The following PFKP variants were observed in gnomAD, a reference collection of about 807,000 sequenced individuals.
The protein encoded by PFKP is ATP-dependent 6-phosphofructokinase, platelet type.
Under a neutral mutation model 94.3 loss-of-function variants are expected in PFKP, and 101 were observed. The observed-to-expected ratio is 1.07, with a 90% CI of 0.91 to 1.26. PFKP has a LOEUF of 1.26. Among genes scored for constraint, PFKP ranks in the 50% most tolerant of loss-of-function variants. The pLI, the probability that PFKP is intolerant of heterozygous loss-of-function variation, is 0.00. For synonymous variants in PFKP, 573 were observed against 432.6 expected, an observed-to-expected ratio of 1.32 and a Z score of -4.03; for missense variants, 1,145 against 1,103.3, an observed-to-expected ratio of 1.04 and a Z score of -0.53.
intron 3 of PFKP, chr10:3,101,086 G>A: frequency 7.2e-6 from 8 of 1,118,832 alleles, no homozygotes; most frequent in Non-Finnish European, 9.5e-6. Context: ...CCGCAGGCTG[G>A]TTCCTGCTCC....
At chr10:3,069,792 C>T (rs1335404165) in intron 1 of PFKP, among the ~76,000 whole-genome samples, 1 of 152,190 alleles carries the variant, frequency 6.6e-6, no homozygotes, top group African/African-American at 2.4e-5. Flanking sequence ...CCTTTGAGCT[C>T]CATGTCCAAA....
intron 4 of PFKP, among the ~76,000 whole-genome samples, chr10:3,102,858 G>A (rs555254825): frequency 2.8e-4 from 42 of 152,226 alleles, no homozygotes; most frequent in Non-Finnish European, 3.8e-4. Context: ...AAGGCTGCCC[G>A]TTGGAAGCAG....
chr10:3,136,433 T>C lies in PFKP; in HGVS notation c.2226-17T>C. Reference sequence around the variant, plus strand: ...AGTGACTGCAGGCCTCACTGCTGTCTCCTCTTACCTCCACAGGCACAGGAT... The same window carrying C: ...AGTGACTGCAGGCCTCACTGCTGTCCCCTCTTACCTCCACAGGCACAGGAT... On this transcript the variant is annotated splice_polypyrimidine_tract_variant and intron_variant, in intron 21 of 21. Transcript: ENST00000381125. 1 of 1,613,214 alleles carries C rather than the reference T, an allele frequency of 6.2e-7. No individual in the cohort carries two copies. Among genetic ancestry groups the C allele is most frequent in the Non-Finnish European group, 8.5e-7 (1 of 1,179,462 alleles).
At chr10:3,127,733 T>G (rs1838114955) in intron 16 of PFKP, among the ~76,000 whole-genome samples, 1 of 152,162 alleles carries the variant, frequency 6.6e-6, no homozygotes, top group Non-Finnish European at 1.5e-5. Context: ...AAGATGGGAA[T>G]TCTTCCCATT....
At chr10:3,136,290 ATGG>A (rs1839324480) in intron 21 of PFKP, among the ~76,000 whole-genome samples, 157 bp from the exon 22 acceptor site, 1 of 152,128 alleles carries the variant, frequency 6.6e-6, no homozygotes, top group Non-Finnish European at 1.5e-5. Context: ...ATTTTAAACA[ATGG>A]TTTCATTTGA....
chr10:3,128,597 GTTGCGGGCC>G (rs1838207566), intron 16 of PFKP, among the ~76,000 whole-genome samples: 1 of 152,184 alleles, frequency 6.6e-6, no homozygotes, highest in Admixed American at 6.5e-5. Context: ...GGTGCCCAGA[GTTGCGGGCC>G]TTGCACGCCT....
At chr10:3,112,365 G>A (rs951718564) in intron 11 of PFKP, 79 bp downstream of exon 11, 2 of 1,062,868 alleles carry the variant, frequency 1.9e-6, no homozygotes, top group Non-Finnish European at 3.0e-6. Context: ...GTGCTTAGGG[G>A]TTGTGCTTAT....
At chr10:3,110,668 A>T (rs1836110309) in intron 10 of PFKP, among the ~76,000 whole-genome samples, 1 of 152,038 alleles carries the variant, frequency 6.6e-6, no homozygotes, top group East Asian at 1.9e-4. Context: ...AGAAAATAGT[A>T]TTTGTGTGTA....
intron 10 of PFKP, among the ~76,000 whole-genome samples, chr10:3,111,637 C>T (rs1254845255): frequency 6.6e-6 from 1 of 152,024 alleles, no homozygotes; most frequent in East Asian, 1.9e-4. Flanking sequence ...GAGTATTTTT[C>T]TCATCTTACA....
chr10:3,104,035 A>G, intron 5 of PFKP, 91 bp downstream of exon 5: 1 of 1,210,472 alleles, frequency 8.3e-7, no homozygotes, highest in Non-Finnish European at 1.2e-6. Context: ...CATTCTGCAG[A>G]TTGGGTGTCC....
intron 19 of PFKP, 22 bp downstream of exon 19, chr10:3,133,336 G>A (rs752465295): frequency 2.8e-6 from 4 of 1,444,760 alleles, no homozygotes; most frequent in Non-Finnish European, 3.9e-6. Context: ...ACTGCATGAG[G>A]GGCCACAAAG....
At chr10:3,107,135 C>T (rs1207795111) in intron 7 of PFKP, 79 bp from the exon 8 acceptor site, 2 of 881,814 alleles carry the variant, frequency 2.3e-6, no homozygotes, top group South Asian at 2.8e-5. Context: ...CAGTTTGAGA[C>T]AGACTTCTGT....
chr10:3,110,591 G>A lies in PFKP; in HGVS notation c.1089+1111G>A, dbSNP rs1349516360. 5.9e-5 allele frequency among the ~76,000 whole-genome samples: 9 copies of A among 152,070 alleles called. No individual in the cohort carries two copies. The South Asian group carries it at 8.3e-4, about 14-fold the overall frequency. On this transcript the variant is annotated intron_variant, in intron 10 of 21. Transcript: ENST00000381125. Reference sequence around the variant, plus strand: ...GCCTCTTAACACACACAAAGAAGTCGTGAAGCAATCAAGTCAGGGACTTGT... The same window carrying A: ...GCCTCTTAACACACACAAAGAAGTCATGAAGCAATCAAGTCAGGGACTTGT...
In PFKP at chr10:3,103,954, T is replaced by C. The variant is rs764981620; in HGVS notation, c.620+10T>C. ...TGACCACGGCCCAGAGGTAAAGCGC[T>C]CAGAGGAACCGGCGGGAGGCCAGTG... On this transcript the variant is annotated intron_variant, in intron 5 of 21. Coordinates refer to ENST00000381125, the MANE Select transcript of PFKP (RefSeq NM_002627.5). 39 of 1,612,332 alleles carry C rather than the reference T, an allele frequency of 2.4e-5. No homozygotes were observed. In the South Asian group the frequency reaches 3.7e-4, roughly 15 times the overall value.
chr10:3,098,710 C>A (rs1375859023), intron 2 of PFKP, among the ~76,000 whole-genome samples: 1 of 145,550 alleles, frequency 6.9e-6, no homozygotes, highest in African/African-American at 2.5e-5. Flanking sequence ...CCTTGGGCTT[C>A]TTCTATCAAT....
At chr10:3,107,148 T>G (rs1588484415) in intron 7 of PFKP, 66 bp from the exon 8 acceptor site, 1 of 984,694 alleles carries the variant, frequency 1.0e-6, no homozygotes, top group Non-Finnish European at 1.6e-6. Context: ...ACTTCTGTGG[T>G]TTTGTTGCAT....
chr10:3,100,432 C>T (rs1176428362), intron 3 of PFKP, among the ~76,000 whole-genome samples: 1 of 152,138 alleles, frequency 6.6e-6, no homozygotes, highest in Non-Finnish European at 1.5e-5. Context: ...TGGTAGGTTT[C>T]ATGTAAAAAT....
At chr10:3,100,863 A>C (rs1834924013) in intron 3 of PFKP, 1 of 158,326 alleles carries the variant, frequency 6.3e-6, no homozygotes, top group South Asian at 9.7e-5. Context: ...TATGTGGTGC[A>C]AAAAAAAAAA....
intron 1 of PFKP, among the ~76,000 whole-genome samples, chr10:3,073,983 A>T (rs942217645): frequency 6.6e-6 from 1 of 152,102 alleles, no homozygotes; most frequent in South Asian, 2.1e-4. Context: ...GATTACAGGC[A>T]TGCGCCACCA....
Sources: allele counts gnomAD v4.1 joint callset (sites outside exome capture counted in the v4.1 genomes callset), GRCh38; gene constraint gnomAD v4.1.1; transcripts MANE v1.5; gene names NCBI Gene and HGNC (gene_info 2026-07-23, HGNC 2026-07-21).